The following PLEKHH2 variants were observed in gnomAD, a reference collection of about 807,000 sequenced individuals.
The protein encoded by PLEKHH2 is pleckstrin homology, MyTH4 and FERM domain containing H2, also known as pleckstrin homology domain-containing family H member 2.
Under a neutral mutation model 187.9 loss-of-function variants are expected in PLEKHH2, and 129 were observed. The ratio of observed to expected loss-of-function variants is 0.69; its 90% CI spans 0.59 to 0.79. The LOEUF is 0.79. Ranked by LOEUF, PLEKHH2 falls within the 30% of genes least tolerant of loss-of-function variation. The pLI is 0.00. For missense variants in PLEKHH2, 2,076 were observed against 1,751.2 expected, an observed-to-expected ratio of 1.19 and a Z score of -3.31; for synonymous variants, 686 against 605.6, an observed-to-expected ratio of 1.13 and a Z score of -1.95.
chr2:43,741,586 T>G (rs2104595517), intron 21 of PLEKHH2, among the ~76,000 whole-genome samples: 1 of 150,804 alleles, frequency 6.6e-6, no homozygotes, highest in African/African-American at 2.4e-5. Flanking sequence ...CACCAAGAGG[T>G]TTGTGTCAGG....
At chr2:43,763,765 A>T (rs1672520826) in intron 28 of PLEKHH2, among the ~76,000 whole-genome samples, 1 of 152,142 alleles carries the variant, frequency 6.6e-6, no homozygotes, top group Non-Finnish European at 1.5e-5. Flanking sequence ...ACAAAGGGTT[A>T]ATACGTGATA....
At chr2:43,683,555 T>G (rs986156329) in intron 3 of PLEKHH2, among the ~76,000 whole-genome samples, 1 of 152,186 alleles carries the variant, frequency 6.6e-6, no homozygotes, top group Non-Finnish European at 1.5e-5. Context: ...CCTTTTTTCT[T>G]TCAACTTATT....
intron 2 of PLEKHH2, chr2:43,675,728 G>C: frequency 6.2e-7 from 1 of 1,613,892 alleles, no homozygotes; most frequent in Non-Finnish European, 8.5e-7. Context: ...GAGTTATCGA[G>C]AAGTCTGTTA....
At chr2:43,720,238 C>G (rs747279120) in intron 15 of PLEKHH2, among the ~76,000 whole-genome samples, 1 of 152,054 alleles carries the variant, frequency 6.6e-6, no homozygotes, top group Non-Finnish European at 1.5e-5. Flanking sequence ...ATGGTGAGCA[C>G]CAAAGCAAAA....
rs182220559 is a variant in PLEKHH2 at position 43,712,451 on chromosome 2, G to A, written c.2460+68G>A. The stretch of plus-strand genomic sequence containing the variant: ...GCATGAGCCCATGATCGCTGAAAAT[G>A]GGATGTCAGAGCATATACATATATT... On this transcript the variant is annotated intron_variant, in intron 15 of 29. Transcript: ENST00000282406. The A allele has an allele frequency of 1.7e-3, 2,607 of 1,521,914 alleles. 8 individuals carry two copies. The highest frequency in any genetic ancestry group is 2.1e-3 in the Non-Finnish European group (2,402 of 1,117,792). 94.3% of individuals were successfully genotyped at this position (1,521,914 alleles called of 1,614,324 possible).
chr2:43,707,542 C>T lies in PLEKHH2; in HGVS notation c.1963C>T (p.Arg655Ter), dbSNP rs147803789. The T allele has an allele frequency of 6.8e-5, 109 of 1,613,568 alleles. No homozygotes were observed. Among genetic ancestry groups the T allele is most frequent in the Non-Finnish European group, 8.9e-5 (105 of 1,179,760 alleles). Residue 655 changes from arginine (R) to a stop codon, truncating the protein, a stop_gained, in exon 11 of 30, where the codon CGA becomes TGA. Transcript: ENST00000282406. LOFTEE classifies it high-confidence loss of function. ...GCCAGGCAGCCCCAGAGCCATGAAACGAGGTGAGGGAAAATCGCAGGCATA... is the reference window on the plus strand; with the variant it reads ...GCCAGGCAGCCCCAGAGCCATGAAATGAGGTGAGGGAAAATCGCAGGCATA... ...SGPGSPRAMKRGVSLSSVASE... is the reference protein window; with the variant it reads ...SGPGSPRAMK
At chr2:43,734,760 T>C (rs1671208185) in intron 19 of PLEKHH2, among the ~76,000 whole-genome samples, 1 of 152,140 alleles carries the variant, frequency 6.6e-6, no homozygotes. Flanking sequence ...TATATCCAAA[T>C]GAAAGTAAGT....
intron 3 of PLEKHH2, among the ~76,000 whole-genome samples, chr2:43,688,615 C>T (rs1668641406): frequency 6.6e-6 from 1 of 152,188 alleles, no homozygotes; most frequent in East Asian, 1.9e-4. Flanking sequence ...GGATCCCCAA[C>T]AGTACTCTTG....
At chr2:43,750,979 G>C (rs1049148830) in intron 24 of PLEKHH2, among the ~76,000 whole-genome samples, 5 of 152,214 alleles carry the variant, frequency 3.3e-5, no homozygotes, top group Non-Finnish European at 1.5e-5. Context: ...ATGGGCTGGA[G>C]ACAGGCTGCC....
chr2:43,679,095 A>G (rs908171432), intron 3 of PLEKHH2, among the ~76,000 whole-genome samples, 170 bp downstream of exon 3: 1 of 152,176 alleles, frequency 6.6e-6, no homozygotes, highest in Non-Finnish European at 1.5e-5. Flanking sequence ...TTGTCCATTA[A>G]CAAATTTTCA....
intron 16 of PLEKHH2, 145 bp from the exon 17 acceptor site, chr2:43,726,124 CAAA>C (rs3066315): frequency 0.081 from 36,823 of 452,118 alleles, 4 homozygotes; most frequent in South Asian, 0.14. Flanking sequence ...AACCCTGTCT[CAAA>C]AAAAAAAAAA....
chr2:43,642,113 A>G (rs1265131895), intron 1 of PLEKHH2, among the ~76,000 whole-genome samples: 1 of 152,084 alleles, frequency 6.6e-6, no homozygotes, highest in Non-Finnish European at 1.5e-5. Context: ...TGAATATACA[A>G]TTTCTTCCAT....
In PLEKHH2 at chr2:43,726,276, C is replaced by G. The variant is rs1486632768; in HGVS notation, c.2546C>G (p.Pro849Arg). The G allele has an allele frequency of 6.2e-7, 1 of 1,602,682 alleles. No homozygotes were observed. The highest frequency in any genetic ancestry group is 8.5e-7 in the Non-Finnish European group (1 of 1,170,482). Residue 849 changes from proline to arginine, a missense_variant, in exon 17 of 30, where the codon CCT (proline) becomes CGT (arginine). Physicochemically the swap from Pro to Arg is moderately radical, Grantham distance 103. Coordinates refer to ENST00000282406, the MANE Select transcript of PLEKHH2 (RefSeq NM_172069.4). ...AATTACTAATATTTACTTTAGTTTC[C>G]TTTAGGTCAGATCAAACTCTGGGAG... ...YYFRSQEDKF[P>R]LGQIKLWEAK...
chr2:43,687,559 C>G (rs1316234958), intron 3 of PLEKHH2, among the ~76,000 whole-genome samples: 2 of 152,158 alleles, frequency 1.3e-5, no homozygotes, highest in Non-Finnish European at 2.9e-5. Flanking sequence ...TTTGAGAAAC[C>G]TCTGACTGCT....
chr2:43,728,368 A>G (rs1383587680), intron 17 of PLEKHH2, among the ~76,000 whole-genome samples: 2 of 150,626 alleles, frequency 1.3e-5, no homozygotes, highest in Admixed American at 1.3e-4. Flanking sequence ...AATCCCAGCT[A>G]CTTGGGAGGC....
Position 43,699,866 on chromosome 2 carries a change from C to A in PLEKHH2, c.908C>A (p.Thr303Lys), listed in dbSNP as rs201566799. Residue 303 changes from threonine (T) to lysine (K), a missense_variant, in exon 8 of 30, where the codon ACA becomes AAA. Transcript: ENST00000282406. ...GSKGRSKSRC[T>K]STLSSHTSEE... ...AAAGGAAGATCCAAGTCCAGATGCA[C>A]ATCCACCCTCTCCAGTCACACATCT... is the stretch of plus-strand genomic sequence containing the variant. 12 of 1,614,116 alleles carry A rather than the reference C, an allele frequency of 7.4e-6. No individual in the cohort carries two copies. The highest frequency in any genetic ancestry group is 1.0e-5 in the Non-Finnish European group (12 of 1,180,006).
chr2:43,700,321 A>C lies in PLEKHH2; in HGVS notation c.1363A>C (p.Lys455Gln), dbSNP rs1411645543. Residue 455 changes from lysine to glutamine, a missense_variant, in exon 8 of 30, where the codon AAA becomes CAA. By Grantham distance (53) the Lys-to-Gln change is moderately conservative (BLOSUM62 1). Transcript: ENST00000282406. ...NVFSISVALA[K>Q]RHLSQPQLSS... Reference sequence around the variant, plus strand: ...TTTCAGTATAAGTGTAGCACTAGCCAAAAGGCACTTAAGCCAGCCACAGTT... The same window carrying C: ...TTTCAGTATAAGTGTAGCACTAGCCCAAAGGCACTTAAGCCAGCCACAGTT... 6.2e-7 allele frequency: 1 copy of C among 1,613,946 alleles called. No individual in the cohort carries two copies. The highest frequency in any genetic ancestry group is 8.5e-7 in the Non-Finnish European group (1 of 1,179,904).
At chr2:43,760,617 C>T (rs1311879300) in intron 27 of PLEKHH2, among the ~76,000 whole-genome samples, 1 of 152,180 alleles carries the variant, frequency 6.6e-6, no homozygotes, top group Admixed American at 6.5e-5. Flanking sequence ...CCCGCCTCGG[C>T]CTCCCAAAGT....
In PLEKHH2 at chr2:43,706,346, C is replaced by G; in HGVS notation, c.1751C>G (p.Thr584Ser). The change falls in exon 10 of 30, where the codon ACT becomes AGT. Residue 584 changes from threonine to serine, a missense_variant. By Grantham distance (58) the Thr-to-Ser change is moderately conservative. Coordinates refer to ENST00000282406, the MANE Select transcript of PLEKHH2 (RefSeq NM_172069.4). Reference sequence around the variant, plus strand: ...GATTCTGCTGCAACCCTTTCCTATACTACATCAGGACTTTATACATCTCTG... The same window carrying G: ...GATTCTGCTGCAACCCTTTCCTATAGTACATCAGGACTTTATACATCTCTG... ...NKNSAATLSYTTSGLYTSLIY... is the reference protein window; with the variant it reads ...NKNSAATLSYSTSGLYTSLIY... The G allele has an allele frequency of 1.2e-6, 2 of 1,609,498 alleles. No individual in the cohort carries two copies. Among genetic ancestry groups the G allele is most frequent in the Non-Finnish European group, 1.7e-6 (2 of 1,176,180 alleles).
Sources: allele counts gnomAD v4.1 joint callset (sites outside exome capture counted in the v4.1 genomes callset), GRCh38; gene constraint gnomAD v4.1.1; transcripts MANE v1.5; gene names NCBI Gene and HGNC (gene_info 2026-07-23, HGNC 2026-07-21).